PARD3B: variants seen among roughly 807,000 people sequenced by gnomAD.
The protein encoded by PARD3B is par-3 family cell polarity regulator beta, also known as partitioning defective 3 homolog B.
PARD3B carries 103 observed loss-of-function variants against 130.2 expected under a neutral mutation model. The ratio of observed to expected loss-of-function variants is 0.79; its 90% CI spans 0.67 to 0.93. The LOEUF (loss-of-function observed/expected upper bound fraction) is 0.93. Ranked by LOEUF, PARD3B falls within the 40% of genes least tolerant of loss-of-function variation. The pLI, the probability that PARD3B is intolerant of heterozygous loss-of-function variation, is 0.00. For missense variants in PARD3B, 1,609 were observed against 1,499.2 expected (o/e 1.07, Z -1.21); for synonymous variants, 583 against 553.2 (o/e 1.05, Z -0.76).
At chr2:205,586,462 T>G (rs1016123964) in intron 22 of PARD3B, among the ~76,000 whole-genome samples, 3 of 152,168 alleles carry the variant, frequency 2.0e-5, no homozygotes, top group African/African-American at 7.2e-5. Flanking sequence ...TGGGAAGAGA[T>G]TACTGGAGAA....
chr2:205,088,089 T>C (rs553471708), intron 4 of PARD3B, among the ~76,000 whole-genome samples: 1 of 152,280 alleles, frequency 6.6e-6, no homozygotes, highest in East Asian at 1.9e-4. Flanking sequence ...GCTCTAAAGA[T>C]TTTGCAACTG....
At chr2:204,616,923 T>C (rs1221199381) in intron 1 of PARD3B, among the ~76,000 whole-genome samples, 1 of 152,196 alleles carries the variant, frequency 6.6e-6, no homozygotes, top group Non-Finnish European at 1.5e-5. Context: ...GTGTGCAGTA[T>C]GTGTTAAGTT....
intron 19 of PARD3B, among the ~76,000 whole-genome samples, chr2:205,422,340 C>A (rs896644199): frequency 2.0e-5 from 3 of 152,106 alleles, no homozygotes; most frequent in Non-Finnish European, 4.4e-5. Flanking sequence ...TCGTAGGGAG[C>A]TTAGATTTTA....
chr2:205,462,996 G>A (rs995525739), intron 20 of PARD3B, among the ~76,000 whole-genome samples: 1 of 152,140 alleles, frequency 6.6e-6, no homozygotes, highest in Non-Finnish European at 1.5e-5. Flanking sequence ...CTGTAAAATT[G>A]TGAGTTCCCT....
chr2:204,649,188 T>A (rs2035394761), intron 1 of PARD3B, among the ~76,000 whole-genome samples: 1 of 150,464 alleles, frequency 6.6e-6, no homozygotes, highest in Admixed American at 6.7e-5. Context: ...TTGGTCCACA[T>A]CCTTGCCAAC....
intron 1 of PARD3B, among the ~76,000 whole-genome samples, chr2:204,600,545 C>T (rs1030090906): frequency 2.6e-5 from 4 of 151,798 alleles, no homozygotes; most frequent in Non-Finnish European, 4.4e-5. Flanking sequence ...GCCAGTACCA[C>T]GATGTTTTGG....
chr2:205,032,069 T>A (rs1697465633), intron 3 of PARD3B, among the ~76,000 whole-genome samples: 1 of 152,198 alleles, frequency 6.6e-6, no homozygotes. Context: ...TAGAAGAGTT[T>A]GATTCTCTTT....
intron 3 of PARD3B, among the ~76,000 whole-genome samples, chr2:204,992,578 T>C (rs1051349810): frequency 2.2e-5 from 3 of 133,612 alleles, no homozygotes; most frequent in African/African-American, 8.4e-5. Context: ...TTTGGTTCCA[T>C]ATGAACTTTA....
At chr2:205,277,080 G>C (rs62171468) in intron 16 of PARD3B, among the ~76,000 whole-genome samples, 2 of 152,128 alleles carry the variant, frequency 1.3e-5, no homozygotes, top group African/African-American at 4.8e-5. Flanking sequence ...ATTAAGGAGA[G>C]GCAACCTTCT....
chr2:205,440,467 G>T lies in PARD3B; in HGVS notation c.2839G>T (p.Asp947Tyr), dbSNP rs765214628. ...AIGSVYDMDD[D>Y]EMDPNYARVN... Reference sequence around the variant, plus strand: ...TGGATCAGTGTATGATATGGATGATGATGAAATGGACCCCAATTATGCCAG... The same window carrying T: ...TGGATCAGTGTATGATATGGATGATTATGAAATGGACCCCAATTATGCCAG... The change falls in exon 20 of 23, where the codon GAT becomes TAT. Residue 947 changes from aspartate to tyrosine, a missense_variant. Transcript: ENST00000406610. The surrounding 1 kb of genome is among the most constrained non-coding windows in gnomAD (Gnocchi z 4.2). 6.2e-7 allele frequency: 1 copy of T among 1,614,130 alleles called. No homozygotes were observed. Among genetic ancestry groups the T allele is most frequent in the South Asian group, 1.1e-5 (1 of 91,082 alleles).
At chr2:204,840,533 CTT>C (rs200558739) in intron 2 of PARD3B, among the ~76,000 whole-genome samples, 3 of 146,612 alleles carry the variant, frequency 2.0e-5, no homozygotes, top group South Asian at 2.2e-4. Context: ...TGAATTTGTC[CTT>C]TTTTTTTTTA....
chr2:205,020,755 A>C (rs974570524), intron 3 of PARD3B, among the ~76,000 whole-genome samples: 7 of 152,186 alleles, frequency 4.6e-5, no homozygotes, highest in African/African-American at 1.7e-4. Context: ...CATCTCCCTC[A>C]CTTCACATTG....
At chr2:205,193,516 A>G (rs544629948) in intron 15 of PARD3B, among the ~76,000 whole-genome samples, 196 bp downstream of exon 15, 32 of 152,376 alleles carry the variant, frequency 2.1e-4, no homozygotes, top group Admixed American at 2.0e-3. Context: ...TGTGAAACAA[A>G]GAGAAGTGAT....
chr2:204,712,319 T>A (rs538641468), intron 2 of PARD3B, among the ~76,000 whole-genome samples: 2 of 152,110 alleles, frequency 1.3e-5, no homozygotes, highest in East Asian at 3.9e-4. Context: ...CTGACATTGT[T>A]AAAATTAAAT....
At chr2:205,197,104 A>G (rs1165729201) in intron 15 of PARD3B, among the ~76,000 whole-genome samples, 2 of 150,628 alleles carry the variant, frequency 1.3e-5, no homozygotes, top group South Asian at 2.1e-4. Context: ...CATGCACATT[A>G]ATTATAATGT....
intron 18 of PARD3B, among the ~76,000 whole-genome samples, chr2:205,355,816 C>G (rs2044170479): frequency 6.6e-6 from 1 of 152,096 alleles, no homozygotes; most frequent in South Asian, 2.1e-4. Flanking sequence ...GAAGGGCAAG[C>G]AAGGCATCTT....
At chr2:204,641,462 T>C (rs1041795130) in intron 1 of PARD3B, among the ~76,000 whole-genome samples, 8 of 152,066 alleles carry the variant, frequency 5.3e-5, no homozygotes, top group African/African-American at 1.9e-4. Flanking sequence ...TTTTTAATCC[T>C]GCTTTTTGCA....
rs966994322 is a variant in PARD3B at position 204,891,110 on chromosome 2, A to G, written c.223-74042A>G. 3.0e-4 allele frequency among the ~76,000 whole-genome samples: 46 copies of G among 151,660 alleles called. 1 individual carries two copies. Among genetic ancestry groups the G allele is most frequent in the Non-Finnish European group, 8.8e-5 (6 of 67,948 alleles). On this transcript the variant is annotated intron_variant, in intron 2 of 22. Coordinates refer to ENST00000406610, the MANE Select transcript of PARD3B (RefSeq NM_001302769.2). ...TGGCTGCTGACAAAATTACAACAGCACCACCCAGGACCCGATATGGAATCT... is the reference window on the plus strand; with the variant it reads ...TGGCTGCTGACAAAATTACAACAGCGCCACCCAGGACCCGATATGGAATCT...
intron 3 of PARD3B, among the ~76,000 whole-genome samples, chr2:204,976,487 G>C (rs554537529): frequency 7.2e-5 from 11 of 151,754 alleles, no homozygotes; most frequent in African/African-American, 2.4e-4. Context: ...AGAGAATACT[G>C]TCTGCCACAT....
Sources: gnomAD v4.1 joint callset for allele counts (sites outside exome capture counted in the v4.1 genomes callset) on GRCh38, gnomAD v4.1.1 for gene constraint, Gnocchi (gnomAD v3.1) non-coding constraint, MANE v1.5 for transcripts, NCBI Gene and HGNC (gene_info 2026-07-23, HGNC 2026-07-21) for gene names.